The following KCNAB1 variants were observed in gnomAD, a reference collection of about 807,000 sequenced individuals.
KCNAB1 encodes the protein potassium voltage-gated channel subfamily A regulatory beta subunit 1.
Under a neutral mutation model 64.6 loss-of-function variants are expected in KCNAB1, and 35 were observed. The ratio of observed to expected loss-of-function variants is 0.54; its 90% confidence interval spans 0.41 to 0.72. The LOEUF is 0.72. Among genes scored for constraint, KCNAB1 ranks in the 30% least tolerant of loss-of-function variants. The pLI is 0.00. For missense variants in KCNAB1, 401 were observed against 512.9 expected, an observed-to-expected ratio of 0.78 and a Z score of 2.11; for synonymous variants, 177 against 183.8, an observed-to-expected ratio of 0.96 and a Z score of 0.30.
intron 1 of KCNAB1, among the ~76,000 whole-genome samples, chr3:156,249,473 G>A (rs962854203): frequency 2.0e-5 from 3 of 151,854 alleles, no homozygotes; most frequent in Non-Finnish European, 4.4e-5. Context: ...TAGGGAGGCT[G>A]AGGTAGGAGA....
At chr3:156,451,804 G>A (rs1417502563) in intron 2 of KCNAB1, among the ~76,000 whole-genome samples, 1 of 151,892 alleles carries the variant, frequency 6.6e-6, no homozygotes, top group Non-Finnish European at 1.5e-5. Context: ...TTCCTGGCCG[G>A]TGCTCTTGCC....
At chr3:156,457,607 A>G (rs1055519086) in intron 4 of KCNAB1, 75 bp downstream of exon 4, 2 of 1,310,624 alleles carry the variant, frequency 1.5e-6, no homozygotes, top group Admixed American at 3.4e-5. Flanking sequence ...CATTTCCAGC[A>G]TGTTGGTGAA....
At chr3:156,327,023 C>T (rs1392756981) in intron 1 of KCNAB1, among the ~76,000 whole-genome samples, 1 of 152,068 alleles carries the variant, frequency 6.6e-6, no homozygotes, top group African/African-American at 2.4e-5. Flanking sequence ...GGCTCGCAAA[C>T]CTCTCTGTGT....
chr3:156,362,000 C>T (rs1725645130), intron 1 of KCNAB1, among the ~76,000 whole-genome samples: 1 of 152,192 alleles, frequency 6.6e-6, no homozygotes, highest in Non-Finnish European at 1.5e-5. Context: ...TTATTAACCC[C>T]TCACCCTGTG....
At chr3:156,178,472 C>T (rs1475421333) in intron 1 of KCNAB1, among the ~76,000 whole-genome samples, 1 of 152,188 alleles carries the variant, frequency 6.6e-6, no homozygotes, top group Non-Finnish European at 1.5e-5. Flanking sequence ...CCTGACTTCA[C>T]TTTTCTTTCC....
At chr3:156,524,711 C>A (rs1718185628) in intron 12 of KCNAB1, among the ~76,000 whole-genome samples, 1 of 128,088 alleles carries the variant, frequency 7.8e-6, no homozygotes, top group Non-Finnish European at 1.6e-5. Flanking sequence ...TGCGTCACTG[C>A]ACTCCAGCCT....
chr3:156,302,151 A>C (rs994825184), intron 1 of KCNAB1, among the ~76,000 whole-genome samples: 2 of 152,102 alleles, frequency 1.3e-5, no homozygotes, highest in Non-Finnish European at 2.9e-5. Flanking sequence ...ACATCATTCT[A>C]ATCTCCAGTT....
chr3:156,353,205 A>G (rs1724969190), intron 1 of KCNAB1, among the ~76,000 whole-genome samples: 1 of 152,232 alleles, frequency 6.6e-6, no homozygotes. Context: ...CTTTCTATCA[A>G]ATGAACTGGA....
chr3:156,326,072 C>T (rs1054901298), intron 1 of KCNAB1, among the ~76,000 whole-genome samples: 1 of 152,240 alleles, frequency 6.6e-6, no homozygotes, highest in Middle Eastern at 3.4e-3. Context: ...GGGGTTAGTT[C>T]ATCATGCCTT....
chr3:156,209,723 A>C (rs1714896065), intron 1 of KCNAB1, among the ~76,000 whole-genome samples: 1 of 152,206 alleles, frequency 6.6e-6, no homozygotes, highest in African/African-American at 2.4e-5. Flanking sequence ...GGGCTGACAA[A>C]CATGCTCAAT....
intron 10 of KCNAB1, 37 bp from the exon 11 acceptor site, chr3:156,516,233 T>A: frequency 6.6e-7 from 1 of 1,522,652 alleles, no homozygotes; most frequent in Non-Finnish European, 9.1e-7. Flanking sequence ...TTGATCCCAA[T>A]TTGCACAAGC....
chr3:156,157,386 G>C (rs576956820), intron 1 of KCNAB1, among the ~76,000 whole-genome samples: 2 of 152,178 alleles, frequency 1.3e-5, no homozygotes, highest in South Asian at 4.1e-4. Context: ...AATACAGAAA[G>C]GTTTTCCACA....
intron 8 of KCNAB1, among the ~76,000 whole-genome samples, chr3:156,489,631 T>C (rs1220550867): frequency 6.6e-6 from 1 of 152,132 alleles, no homozygotes; most frequent in East Asian, 1.9e-4. Flanking sequence ...TAAAAATGCT[T>C]CTACCCTTTC....
At chr3:156,289,342 C>T (rs765134199) in intron 1 of KCNAB1, among the ~76,000 whole-genome samples, 43 of 152,240 alleles carry the variant, frequency 2.8e-4, no homozygotes, top group Non-Finnish European at 4.6e-4. Flanking sequence ...CACTCTGTCT[C>T]GCCTCCCAGA....
chr3:156,454,951 C>A (rs1441384675), intron 3 of KCNAB1, among the ~76,000 whole-genome samples: 2 of 152,146 alleles, frequency 1.3e-5, no homozygotes, highest in Non-Finnish European at 2.9e-5. Flanking sequence ...TTCAAAATTT[C>A]AAGTCTAAAA....
intron 1 of KCNAB1, among the ~76,000 whole-genome samples, chr3:156,366,529 G>A (rs1255454699): frequency 6.6e-6 from 1 of 152,188 alleles, no homozygotes; most frequent in Non-Finnish European, 1.5e-5. Flanking sequence ...AAAGTCAGGC[G>A]TGATGGCCCC....
At chr3:156,332,204 C>T (rs1197642958) in intron 1 of KCNAB1, among the ~76,000 whole-genome samples, 1 of 152,016 alleles carries the variant, frequency 6.6e-6, no homozygotes, top group African/African-American at 2.4e-5. Flanking sequence ...TGTTTGAATT[C>T]TTATTTGAAT....
At position 156,241,441 on chromosome 3, in the gene KCNAB1, G is replaced by A. The variant is rs139848298; in HGVS notation, c.275+120555G>A. Among the ~76,000 whole-genome samples, 193 of 152,320 alleles carry A rather than the reference G, an allele frequency of 1.3e-3. No homozygotes were observed. In the South Asian group the frequency reaches 0.016, roughly 12 times the overall value. On this transcript the variant is annotated intron_variant, in intron 1 of 13. Coordinates refer to ENST00000490337, the MANE Select transcript of KCNAB1 (RefSeq NM_172160.3). ...GTATGCACTCAAGGTCTTCTACACA[G>A]ATGACACCCTAGGACAGCTGTGCTG...
rs543610283 is a variant in KCNAB1 at position 156,128,403 on chromosome 3, T to TA, written c.275+7517_275+7518insA. Among the ~76,000 whole-genome samples the TA allele has an allele frequency of 1.4e-3, 206 of 152,330 alleles. No homozygotes were observed. The South Asian group carries it at 0.017, about 12-fold the overall frequency. On this transcript the variant is annotated intron_variant, in intron 1 of 13. Coordinates refer to ENST00000490337, the MANE Select transcript of KCNAB1 (RefSeq NM_172160.3). ...GAAGTTGTAGGAGAAGGAGAAAAAT[T>TA]CTCTTTGATTTTCAAAGTGTGTTAT...
Sources: gnomAD v4.1 joint callset for allele counts (sites outside exome capture counted in the v4.1 genomes callset) on GRCh38, gnomAD v4.1.1 for gene constraint, MANE v1.5 for transcripts, NCBI Gene and HGNC (gene_info 2026-07-23, HGNC 2026-07-21) for gene names.